Variants in UBE2F observed in about 807,000 individuals in gnomAD.
The protein encoded by UBE2F is NEDD8-conjugating enzyme UBE2F.
A neutral mutation model predicts 29.6 loss-of-function variants in UBE2F; 5 were observed. The ratio of observed to expected loss-of-function variants is 0.17; its 90% confidence interval spans 0.09 to 0.36. UBE2F has a LOEUF of 0.36. Among genes scored for constraint, UBE2F ranks in the 10% least tolerant of loss-of-function variants. The pLI is 1.00. For synonymous variants in UBE2F, 66 were observed against 81.8 expected, an observed-to-expected ratio of 0.81 and a Z score of 1.04; for missense variants, 141 against 228.5, an observed-to-expected ratio of 0.62 and a Z score of 2.47.
At chr2:238,006,485 T>C (rs1317844259) in intron 4 of UBE2F, among the ~76,000 whole-genome samples, 1 of 152,218 alleles carries the variant, frequency 6.6e-6, no homozygotes, top group African/African-American at 2.4e-5. Context: ...CTGTTGCTAG[T>C]ACATAAAAAT....
At chr2:238,007,402 G>A (rs557228711) in intron 4 of UBE2F, among the ~76,000 whole-genome samples, 4 of 152,284 alleles carry the variant, frequency 2.6e-5, no homozygotes, top group South Asian at 2.1e-4. Flanking sequence ...GATTACAGGC[G>A]TGAGCCACTG....
At position 237,973,537 on chromosome 2, in the gene UBE2F, G is replaced by C. The variant is rs1257565729; in HGVS notation, c.118+312G>C. 5.1e-6 allele frequency: 3 copies of C among 588,804 alleles called. No individual in the cohort carries two copies. In the East Asian group the frequency reaches 1.9e-4, roughly 37 times the overall value. The allele number at this position is 588,804 out of a possible 1,614,324, so 36.5% of individuals were successfully genotyped here. A position where few individuals can be genotyped will look rare whatever the true frequency, so the allele number is the denominator to read the frequency against. On this transcript the variant is annotated intron_variant, in intron 2 of 9. Transcript: ENST00000272930. The stretch of plus-strand genomic sequence containing the variant: ...TCAGCAAAGCCTAAGACTGGTTTCA[G>C]AGCTGCCATTATCTTCCTTTCTTTC...
intron 2 of UBE2F, chr2:237,973,532 T>A: frequency 1.7e-6 from 1 of 576,146 alleles, no homozygotes. Context: ...CTAAGACTGG[T>A]TTCAGAGCTG....
At position 237,982,036 on chromosome 2, in the gene UBE2F, A is replaced by G. The variant is rs2063389704; in HGVS notation, c.119-5927A>G. 1.3e-5 allele frequency among the ~76,000 whole-genome samples: 2 copies of G among 152,136 alleles called. No individual in the cohort carries two copies. The highest frequency in any genetic ancestry group is 2.1e-4 in the South Asian group (1 of 4,830). ...GCTCAGCAGGTACTGGATTGTGGTA[A>G]TGGATCCATAGCTCCAAAATGTACT... On this transcript the variant is annotated intron_variant, in intron 2 of 9. Coordinates refer to ENST00000272930, the MANE Select transcript of UBE2F (RefSeq NM_080678.3). The surrounding 1 kb of genome is among the most constrained non-coding windows in gnomAD (Gnocchi z 4.1).
intron 2 of UBE2F, among the ~76,000 whole-genome samples, chr2:237,980,836 A>G (rs2063364220): frequency 6.6e-6 from 1 of 152,146 alleles, no homozygotes; most frequent in Admixed American, 6.5e-5. Context: ...CAGGGTATGC[A>G]GGGTCAGGGA....
intron 1 of UBE2F, among the ~76,000 whole-genome samples, chr2:237,972,856 ACT>A: frequency 6.6e-6 from 1 of 151,964 alleles, no homozygotes. Context: ...CCCAGCCATG[ACT>A]CTCTTTTTTA....
At chr2:237,994,081 T>C (rs2063641154) in intron 3 of UBE2F, among the ~76,000 whole-genome samples, 1 of 151,402 alleles carries the variant, frequency 6.6e-6, no homozygotes. Context: ...AGCTAAGTCC[T>C]GGGCGCACTC....
At chr2:238,031,140 C>T (rs948155958) in intron 7 of UBE2F, among the ~76,000 whole-genome samples, 3 of 152,238 alleles carry the variant, frequency 2.0e-5, no homozygotes, top group Non-Finnish European at 2.9e-5. Context: ...CCAGCTCCTC[C>T]GAGCTGTAGT....
chr2:238,005,844 C>G (rs1029540936), intron 4 of UBE2F, among the ~76,000 whole-genome samples: 1 of 152,264 alleles, frequency 6.6e-6, no homozygotes, highest in African/African-American at 2.4e-5. Flanking sequence ...CCTCTGACTC[C>G]TTCAACATTT....
At chr2:237,980,323 A>T (rs1051564933) in intron 2 of UBE2F, among the ~76,000 whole-genome samples, 1 of 152,210 alleles carries the variant, frequency 6.6e-6, no homozygotes, top group Non-Finnish European at 1.5e-5. Flanking sequence ...GGCCTAAACA[A>T]TAGGCATGTG....
chr2:238,025,277 C>G (rs2064395525), intron 5 of UBE2F, 65 bp from the exon 6 acceptor site: 2 of 1,413,660 alleles, frequency 1.4e-6, no homozygotes, highest in African/African-American at 1.4e-5. Flanking sequence ...TGGTAAGGCT[C>G]TGGCCTGGAG....
intron 5 of UBE2F, among the ~76,000 whole-genome samples, chr2:238,019,509 C>T (rs1249985017): frequency 6.6e-6 from 1 of 151,878 alleles, no homozygotes; most frequent in Non-Finnish European, 1.5e-5. Context: ...TGGGATTACA[C>T]GCATGTACCA....
intron 4 of UBE2F, among the ~76,000 whole-genome samples, chr2:238,011,261 C>A (rs574864812): frequency 1.5e-4 from 23 of 152,370 alleles, no homozygotes; most frequent in Non-Finnish European, 2.5e-4. Context: ...ACCTCACTCT[C>A]TGACCACATT....
At chr2:238,007,078 G>T (rs564839136) in intron 4 of UBE2F, among the ~76,000 whole-genome samples, 1 of 151,874 alleles carries the variant, frequency 6.6e-6, no homozygotes, top group East Asian at 1.9e-4. Context: ...ATCTTAGGGG[G>T]TTGCTGTCAG....
At chr2:237,993,227 C>T (rs2063625073) in intron 3 of UBE2F, among the ~76,000 whole-genome samples, 1 of 152,054 alleles carries the variant, frequency 6.6e-6, no homozygotes. Context: ...ACCTCGTGAA[C>T]CGCCTGCCTT....
At chr2:237,992,630 A>T (rs2063612769) in intron 3 of UBE2F, among the ~76,000 whole-genome samples, 1 of 152,220 alleles carries the variant, frequency 6.6e-6, no homozygotes, top group Non-Finnish European at 1.5e-5. Flanking sequence ...TACTGAAAGG[A>T]AATGAGGCAT....
chr2:238,001,619 C>T (rs188473094), intron 4 of UBE2F, among the ~76,000 whole-genome samples: 87 of 152,058 alleles, frequency 5.7e-4, no homozygotes, highest in Middle Eastern at 3.4e-3. Flanking sequence ...AGATCGAGAC[C>T]ATCCTTGCTA....
intron 1 of UBE2F, 149 bp from the exon 2 acceptor site, chr2:237,972,943 G>T: frequency 2.7e-6 from 2 of 735,014 alleles, no homozygotes; most frequent in Non-Finnish European, 4.4e-6. Context: ...TATTATGAAG[G>T]AATCCAATCT....
At position 237,975,653 on chromosome 2, in the gene UBE2F, G is replaced by A. The variant is rs58448829; in HGVS notation, c.118+2428G>A. Among the ~76,000 whole-genome samples the A allele has an allele frequency of 4.8e-3, 724 of 152,208 alleles. 11 individuals carry two copies. Among genetic ancestry groups the A allele is most frequent in the African/African-American group, 0.017 (690 of 41,508 alleles). On this transcript the variant is annotated intron_variant, in intron 2 of 9. Transcript: ENST00000272930. ...ACTGTGAGGGCACTGGGTTTGTGGG[G>A]ACTTAACAGTGTCCTCTTTTTCTTT...
Sources: gnomAD v4.1 joint callset for allele counts (sites outside exome capture counted in the v4.1 genomes callset) on GRCh38, gnomAD v4.1.1 for gene constraint, Gnocchi (gnomAD v3.1) non-coding constraint, MANE v1.5 for transcripts, NCBI Gene and HGNC (gene_info 2026-07-23, HGNC 2026-07-21) for gene names.